ASTN2: variants seen among roughly 807,000 people sequenced by gnomAD.
The protein encoded by ASTN2 is astrotactin-2.
In ASTN2, 54 loss-of-function variants were observed where a neutral mutation model predicts 139.8. The observed-to-expected ratio is 0.39, with a 90% CI of 0.31 to 0.48. ASTN2 has a LOEUF of 0.48. ASTN2 is among the 20% of genes least tolerant of loss of function. The pLI, the probability that ASTN2 is intolerant of heterozygous loss-of-function variation, is 0.95. For missense variants in ASTN2, 1,565 were observed against 1,725.1 expected (o/e 0.91, Z 1.64); for synonymous variants, 756 against 719.5 (o/e 1.05, Z -0.81).
chr9:117,327,510 T>C (rs1421922247), intron 1 of ASTN2, among the ~76,000 whole-genome samples: 2 of 151,800 alleles, frequency 1.3e-5, no homozygotes, highest in East Asian at 1.9e-4. Context: ...AAGAGGAGAG[T>C]TGAGACCACA....
chr9:116,463,908 G>GTTTTTTTTTTTTT (rs71502069), intron 20 of ASTN2, among the ~76,000 whole-genome samples: 5 of 115,906 alleles, frequency 4.3e-5, no homozygotes, highest in Admixed American at 9.3e-5. Context: ...AGAGTTTTGT[G>GTTTTTTTTTTTTT]TTTTTTTTTT....
chr9:116,650,824 T>C (rs1857865241), intron 17 of ASTN2, among the ~76,000 whole-genome samples: 1 of 152,052 alleles, frequency 6.6e-6, no homozygotes, highest in Admixed American at 6.6e-5. Context: ...TTTAAACCTA[T>C]GATGTGCAAC....
Position 116,863,715 on chromosome 9 carries a change from G to A in ASTN2, c.1908C>T (p.Ser636=). Residue 636 remains serine, a synonymous_variant, in exon 11 of 23, where the codon TCC becomes TCT. Coordinates refer to ENST00000313400, the MANE Select transcript of ASTN2 (RefSeq NM_001365068.1). ...PADVREEAML[S]TYFETINDLL... ...GGTCATTGATGGTTTCAAAGTATGT[G>A]GACAGCATCGCTTCTTCCCTTGGAG... The A allele has an allele frequency of 6.2e-7, 1 of 1,613,570 alleles. No homozygotes were observed. The highest frequency in any genetic ancestry group is 8.5e-7 in the Non-Finnish European group (1 of 1,179,724).
intron 5 of ASTN2, among the ~76,000 whole-genome samples, chr9:117,041,707 A>G (rs1013368850): frequency 2.0e-5 from 3 of 152,162 alleles, no homozygotes; most frequent in Non-Finnish European, 4.4e-5. Context: ...GCCTTTCATG[A>G]AGACTCCCAA....
intron 3 of ASTN2, among the ~76,000 whole-genome samples, chr9:117,141,917 C>G (rs1179080370): frequency 6.6e-6 from 1 of 152,146 alleles, no homozygotes; most frequent in African/African-American, 2.4e-5. Flanking sequence ...TCAAAATAGG[C>G]TTCCAGAAGG....
chr9:117,326,545 T>C (rs987197905), intron 1 of ASTN2, among the ~76,000 whole-genome samples: 1 of 152,130 alleles, frequency 6.6e-6, no homozygotes, highest in Non-Finnish European at 1.5e-5. Flanking sequence ...CCATGGTAGT[T>C]GTGGGAGAAG....
intron 2 of ASTN2, among the ~76,000 whole-genome samples, chr9:117,274,965 T>C (rs550007922): frequency 6.6e-6 from 1 of 152,246 alleles, no homozygotes; most frequent in Admixed American, 6.5e-5. Flanking sequence ...GGCTCAAGGC[T>C]GAATCTAGGT....
chr9:117,035,255 CTTTG>C (rs1483538779), intron 6 of ASTN2, among the ~76,000 whole-genome samples: 1 of 152,070 alleles, frequency 6.6e-6, no homozygotes, highest in African/African-American at 2.4e-5. Context: ...CTCATTGAGA[CTTTG>C]TTTTTCTTGT....
At position 117,414,520 on chromosome 9, in the gene ASTN2, G is replaced by C. The variant is rs757077316; in HGVS notation, c.419C>G (p.Thr140Ser). 1 of 1,609,250 alleles carries C rather than the reference G, an allele frequency of 6.2e-7. No homozygotes were observed. Among genetic ancestry groups the C allele is most frequent in the Non-Finnish European group, 8.5e-7 (1 of 1,178,352 alleles). Reference protein sequence around the residue: ...RIAVQDDLDNTELPFFTLEMS... With the variant: ...RIAVQDDLDNSELPFFTLEMS... ...ACCCAGGGTGAAGAAGGGCAGCTCGGTGTTGTCCAGGTCGTCCTGCACCGC... is the reference window on the plus strand; with the variant it reads ...ACCCAGGGTGAAGAAGGGCAGCTCGCTGTTGTCCAGGTCGTCCTGCACCGC... Residue 140 changes from threonine (T) to serine (S), a missense_variant, in exon 1 of 23, where the codon ACC becomes AGC. Transcript: ENST00000313400. This position sits in a 1 kb window ranked among gnomAD's most constrained non-coding sequence, Gnocchi z 4.2.
At chr9:116,906,358 T>C (rs532647468) in intron 10 of ASTN2, among the ~76,000 whole-genome samples, 19 of 152,232 alleles carry the variant, frequency 1.2e-4, no homozygotes, top group African/African-American at 4.6e-4. Flanking sequence ...AAAGGAAACA[T>C]GACTTTATGT....
At chr9:117,128,277 G>A (rs1452658433) in intron 4 of ASTN2, among the ~76,000 whole-genome samples, 4 of 151,352 alleles carry the variant, frequency 2.6e-5, no homozygotes, top group African/African-American at 7.3e-5. Flanking sequence ...AGGAGGCTGA[G>A]GCAGGAGAAT....
At chr9:116,606,191 T>G (rs1224991721) in intron 19 of ASTN2, among the ~76,000 whole-genome samples, 2 of 152,106 alleles carry the variant, frequency 1.3e-5, no homozygotes, top group Non-Finnish European at 2.9e-5. Flanking sequence ...ACAAGCCCCA[T>G]TTCTGCTCAA....
intron 17 of ASTN2, among the ~76,000 whole-genome samples, chr9:116,625,611 C>A (rs1015377628): frequency 7.2e-5 from 11 of 152,148 alleles, no homozygotes; most frequent in Admixed American, 2.6e-4. Context: ...GAATGTTCCA[C>A]ACTTTCTGGT....
intron 4 of ASTN2, among the ~76,000 whole-genome samples, chr9:117,135,783 A>G (rs1205768252): frequency 1.3e-5 from 2 of 152,168 alleles, no homozygotes; most frequent in Non-Finnish European, 2.9e-5. Flanking sequence ...GAAGATAAAC[A>G]GCAATTTTTT....
At chr9:116,564,996 T>C in intron 19 of ASTN2, among the ~76,000 whole-genome samples, 1 of 152,070 alleles carries the variant, frequency 6.6e-6, no homozygotes, top group East Asian at 1.9e-4. Context: ...AGTACAAACC[T>C]AAGCCAGCTA....
chr9:117,362,727 CCATAT>C (rs1829727593), intron 1 of ASTN2, among the ~76,000 whole-genome samples: 1 of 152,146 alleles, frequency 6.6e-6, no homozygotes, highest in Admixed American at 6.6e-5. Flanking sequence ...CCACTGTGCC[CCATAT>C]CTGGGCAATC....
At chr9:117,071,803 C>G (rs1317404079) in intron 5 of ASTN2, among the ~76,000 whole-genome samples, 1 of 151,876 alleles carries the variant, frequency 6.6e-6, no homozygotes, top group Non-Finnish European at 1.5e-5. Context: ...CTTTCTTTGA[C>G]TCGGAAAGGG....
intron 16 of ASTN2, among the ~76,000 whole-genome samples, chr9:116,688,615 C>G (rs1404230102): frequency 6.6e-6 from 1 of 151,538 alleles, no homozygotes; most frequent in Non-Finnish European, 1.5e-5. Context: ...GGTATTGCCA[C>G]TAACTCCATT....
At chr9:116,791,357 A>C (rs143568107) in intron 13 of ASTN2, among the ~76,000 whole-genome samples, 210 of 152,344 alleles carry the variant, frequency 1.4e-3, no homozygotes, top group African/African-American at 4.8e-3. Flanking sequence ...TTCTTGAGTG[A>C]GATACCAATG....
Sources: allele counts gnomAD v4.1 joint callset (sites outside exome capture counted in the v4.1 genomes callset), GRCh38; gene constraint gnomAD v4.1.1; non-coding constraint Gnocchi (gnomAD v3.1); transcripts MANE v1.5; gene names NCBI Gene and HGNC (gene_info 2026-07-23, HGNC 2026-07-21).